SLC35F1: variants seen among roughly 807,000 people sequenced by gnomAD.
SLC35F1 encodes solute carrier family 35 member F1.
SLC35F1 carries 14 observed loss-of-function variants against 48.7 expected under a neutral mutation model. The ratio of observed to expected loss-of-function variants is 0.29; its 90% CI spans 0.19 to 0.45. SLC35F1 has a LOEUF of 0.45. Among genes scored for constraint, SLC35F1 ranks in the 20% least tolerant of loss-of-function variants. The probability of loss-of-function intolerance (pLI) is 1.00; values close to 1 mark genes in which losing one functional copy is unlikely to be tolerated. For missense variants in SLC35F1, 404 were observed against 500.0 expected (o/e 0.81, Z 1.83); for synonymous variants, 190 against 202.2 (o/e 0.94, Z 0.51).
chr6:118,265,674 T>C (rs1410472705), intron 3 of SLC35F1, among the ~76,000 whole-genome samples: 1 of 151,912 alleles, frequency 6.6e-6, no homozygotes, highest in Non-Finnish European at 1.5e-5. Context: ...GTGGCATGAG[T>C]AGATTTGAGA....
At chr6:118,085,225 T>C (rs1447712044) in intron 1 of SLC35F1, among the ~76,000 whole-genome samples, 2 of 152,170 alleles carry the variant, frequency 1.3e-5, no homozygotes, top group Non-Finnish European at 2.9e-5. Flanking sequence ...GGAGGCTTCC[T>C]CTTGTCTAGG....
At chr6:117,912,839 T>A (rs904184424) in intron 1 of SLC35F1, among the ~76,000 whole-genome samples, 16 of 152,190 alleles carry the variant, frequency 1.1e-4, no homozygotes, top group African/African-American at 3.6e-4. Flanking sequence ...ATAAAGATGA[T>A]GTGTTTTCAG....
intron 3 of SLC35F1, among the ~76,000 whole-genome samples, chr6:118,240,111 G>A (rs1287997375): frequency 6.6e-6 from 1 of 152,204 alleles, no homozygotes; most frequent in African/African-American, 2.4e-5. Context: ...TCTGAGAAAT[G>A]CAATAGTTAC....
At chr6:118,176,561 A>C (rs896908929) in intron 2 of SLC35F1, among the ~76,000 whole-genome samples, 2 of 152,022 alleles carry the variant, frequency 1.3e-5, no homozygotes, top group South Asian at 4.1e-4. Flanking sequence ...GAGATTTGGG[A>C]ATATATCTTT....
intron 1 of SLC35F1, among the ~76,000 whole-genome samples, chr6:117,975,590 T>G (rs1562252893): frequency 6.6e-6 from 1 of 152,226 alleles, no homozygotes; most frequent in Non-Finnish European, 1.5e-5. Context: ...GGTGTAATTT[T>G]AAAAACTCCC....
At chr6:117,966,849 A>G (rs1350881212) in intron 1 of SLC35F1, among the ~76,000 whole-genome samples, 1 of 152,152 alleles carries the variant, frequency 6.6e-6, no homozygotes, top group Non-Finnish European at 1.5e-5. Flanking sequence ...GTGTCCAAAT[A>G]CAGTCACATT....
intron 2 of SLC35F1, among the ~76,000 whole-genome samples, chr6:118,159,527 G>A (rs1228863799): frequency 6.6e-6 from 1 of 152,160 alleles, no homozygotes; most frequent in Non-Finnish European, 1.5e-5. Context: ...GTATGCGTTT[G>A]CCTAGGGAAC....
chr6:118,063,605 A>G (rs945281477), intron 1 of SLC35F1, among the ~76,000 whole-genome samples: 9 of 152,188 alleles, frequency 5.9e-5, no homozygotes, highest in South Asian at 2.1e-4. Flanking sequence ...AAAGCTGTGT[A>G]TACAATTGGG....
intron 1 of SLC35F1, among the ~76,000 whole-genome samples, chr6:117,929,453 ATGTGTGTGTGTGTGTG>A (rs143634465): frequency 6.8e-6 from 1 of 145,994 alleles, no homozygotes; most frequent in Non-Finnish European, 1.5e-5. Context: ...GTATGTATTT[ATGTGTGTGTGTGTGTG>A]TGTGTGTGTG....
chr6:117,949,321 A>G (rs1016715628), intron 1 of SLC35F1, among the ~76,000 whole-genome samples: 1 of 152,186 alleles, frequency 6.6e-6, no homozygotes, highest in African/African-American at 2.4e-5. Flanking sequence ...ATGCTTCTCC[A>G]GTATTTTCTT....
At chr6:118,298,742 T>C (rs1251047576) in intron 7 of SLC35F1, among the ~76,000 whole-genome samples, 1 of 152,202 alleles carries the variant, frequency 6.6e-6, no homozygotes, top group Non-Finnish European at 1.5e-5. Context: ...TCCTAGACTC[T>C]CCCTTGACTA....
At chr6:118,295,209 A>G (rs1490001841) in intron 7 of SLC35F1, among the ~76,000 whole-genome samples, 5 of 152,122 alleles carry the variant, frequency 3.3e-5, no homozygotes, top group Non-Finnish European at 7.3e-5. Flanking sequence ...ATAACTCTGG[A>G]CCTGAGGTCA....
At chr6:117,967,488 T>G (rs941758626) in intron 1 of SLC35F1, among the ~76,000 whole-genome samples, 7 of 152,218 alleles carry the variant, frequency 4.6e-5, no homozygotes, top group African/African-American at 1.7e-4. Flanking sequence ...CCTCATCCTC[T>G]TATGGTTTAA....
rs1044501539 is a variant in SLC35F1 at position 118,267,152 on chromosome 6, C to G, written c.635C>G (p.Ala212Gly). The change falls in exon 4 of 8, where the codon GCA becomes GGA. Residue 212 changes from alanine to glycine, a missense_variant and splice_region_variant. Around this residue, in one of 2 missense-constraint regions of SLC35F1, gnomAD observed 306 missense variants for 419.1 expected, o/e 0.73. Transcript: ENST00000360388. ...ADVLVGRHQG[A>G]GENKLVGDLL... is the part of the protein sequence containing the mutation. ...GTGCTTGTGGGAAGACATCAGGGAG[C>G]AGGTGAGTCTTCGGATGTTCACCAG... is the stretch of plus-strand genomic sequence containing the variant. 3 of 1,613,754 alleles carry G rather than the reference C, an allele frequency of 1.9e-6. No homozygotes were observed. The highest frequency in any genetic ancestry group is 2.5e-6 in the Non-Finnish European group (3 of 1,179,848).
chr6:118,012,693 A>G (rs1367196852), intron 1 of SLC35F1, among the ~76,000 whole-genome samples: 3 of 152,228 alleles, frequency 2.0e-5, no homozygotes, highest in Non-Finnish European at 4.4e-5. Context: ...TTTCAGAGCT[A>G]TGTGCCATTT....
At chr6:117,929,588 C>T (rs754102064) in intron 1 of SLC35F1, among the ~76,000 whole-genome samples, 2 of 151,716 alleles carry the variant, frequency 1.3e-5, no homozygotes, top group Non-Finnish European at 2.9e-5. Context: ...GGCAAGCCAG[C>T]AGGCTAGAAA....
chr6:118,169,859 C>T (rs964006610), intron 2 of SLC35F1, among the ~76,000 whole-genome samples: 2 of 152,000 alleles, frequency 1.3e-5, no homozygotes, highest in African/African-American at 4.8e-5. Flanking sequence ...ATTCTGTGAG[C>T]CAAAATAAGA....
chr6:118,094,041 G>A (rs1177074694), intron 1 of SLC35F1, among the ~76,000 whole-genome samples: 1 of 152,218 alleles, frequency 6.6e-6, no homozygotes, highest in Non-Finnish European at 1.5e-5. Flanking sequence ...AGGACTGGAG[G>A]TTAATCAGAG....
chr6:118,215,562 C>A (rs1053651395), intron 2 of SLC35F1, among the ~76,000 whole-genome samples: 1 of 151,836 alleles, frequency 6.6e-6, no homozygotes, highest in African/African-American at 2.4e-5. Flanking sequence ...AAGCTTCTCC[C>A]AAAATGGGAA....
Sources: gnomAD v4.1 joint callset for allele counts (sites outside exome capture counted in the v4.1 genomes callset) on GRCh38, gnomAD v4.1.1 for gene constraint, gnomAD v4.1.1 regional missense constraint, MANE v1.5 for transcripts, NCBI Gene and HGNC (gene_info 2026-07-23, HGNC 2026-07-21) for gene names.